The following EYS variants were observed in gnomAD, a reference collection of about 807,000 sequenced individuals.
EYS encodes protein eyes shut homolog.
A neutral mutation model predicts 282.1 loss-of-function variants in EYS; 250 were observed. The ratio of observed to expected loss-of-function variants is 0.89; its 90% confidence interval spans 0.80 to 0.98. The LOEUF is 0.98. Among genes scored for constraint, EYS ranks in the 50% least tolerant of loss-of-function variants. The pLI is 0.00. For synonymous variants in EYS, 1,355 were observed against 1,282.9 expected (o/e 1.06, Z -1.20); for missense variants, 4,016 against 3,709.0 (o/e 1.08, Z -2.15).
intron 1 of EYS, among the ~76,000 whole-genome samples, chr6:65,665,290 C>T (rs9345668): frequency 0.051 from 7,754 of 152,204 alleles, 452 homozygotes; most frequent in East Asian, 0.33. Flanking sequence ...AAATCCCTCA[C>T]ATAATTGCAC....
intron 2 of EYS, among the ~76,000 whole-genome samples, chr6:65,541,460 T>A (rs1265648456): frequency 6.6e-6 from 1 of 152,220 alleles, no homozygotes; most frequent in African/African-American, 2.4e-5. Context: ...AAACTGAATT[T>A]GGAGGTTAAT....
chr6:64,225,583 T>C (rs1440383476), intron 31 of EYS, among the ~76,000 whole-genome samples: 1 of 152,058 alleles, frequency 6.6e-6, no homozygotes, highest in Non-Finnish European at 1.5e-5. Flanking sequence ...GATGCAGACA[T>C]CTTCTAGAAG....
At chr6:64,118,974 C>A (rs1773481270) in intron 31 of EYS, among the ~76,000 whole-genome samples, 1 of 152,026 alleles carries the variant, frequency 6.6e-6, no homozygotes. Flanking sequence ...CAGGGAAATG[C>A]AAATTAAAAT....
intron 26 of EYS, among the ~76,000 whole-genome samples, chr6:64,480,047 G>A (rs777727378): frequency 1.3e-5 from 2 of 151,796 alleles, no homozygotes; most frequent in South Asian, 2.1e-4. Flanking sequence ...ATACACATGC[G>A]GAAATCATGG....
intron 12 of EYS, among the ~76,000 whole-genome samples, chr6:65,227,824 G>A (rs889491402): frequency 6.6e-6 from 1 of 151,962 alleles, no homozygotes; most frequent in Non-Finnish European, 1.5e-5. Flanking sequence ...GACAAAAAAA[G>A]GACAGATATT....
intron 22 of EYS, among the ~76,000 whole-genome samples, chr6:64,798,709 T>A (rs9452939): frequency 6.0e-4 from 90 of 150,066 alleles, no homozygotes; most frequent in African/African-American, 2.2e-3. Context: ...GAGGAGATCC[T>A]TAGTCTCCTT....
At chr6:65,475,586 G>A (rs937570805) in intron 5 of EYS, among the ~76,000 whole-genome samples, 3 of 152,004 alleles carry the variant, frequency 2.0e-5, no homozygotes, top group African/African-American at 4.8e-5. Flanking sequence ...AAAAGTATAA[G>A]AAGGCACCAT....
chr6:64,372,793 A>G (rs987815514), intron 29 of EYS, among the ~76,000 whole-genome samples: 5 of 152,136 alleles, frequency 3.3e-5, no homozygotes, highest in African/African-American at 1.2e-4. Flanking sequence ...GAGAGCCAGT[A>G]TTTAAACTCT....
intron 24 of EYS, among the ~76,000 whole-genome samples, chr6:64,598,766 C>T (rs1340441152): frequency 6.6e-6 from 1 of 152,130 alleles, no homozygotes; most frequent in Admixed American, 6.5e-5. Flanking sequence ...CCATTATATA[C>T]TTTGTATTTT....
intron 35 of EYS, among the ~76,000 whole-genome samples, chr6:63,959,326 C>T (rs956004946): frequency 1.3e-5 from 2 of 152,074 alleles, no homozygotes; most frequent in Admixed American, 1.3e-4. Flanking sequence ...CATTTCATGC[C>T]AGTCAGAATA....
At chr6:64,947,292 A>G (rs1769319796) in intron 14 of EYS, among the ~76,000 whole-genome samples, 4 of 152,048 alleles carry the variant, frequency 2.6e-5, no homozygotes, top group Admixed American at 2.6e-4. Flanking sequence ...TAACAATGAA[A>G]CATGATAACC....
intron 35 of EYS, among the ~76,000 whole-genome samples, chr6:63,966,272 C>T (rs1352995679): frequency 6.6e-6 from 1 of 152,120 alleles, no homozygotes; most frequent in Non-Finnish European, 1.5e-5. Flanking sequence ...GAATAGAAAA[C>T]AAAACATCAT....
At chr6:64,058,270 TAA>T (rs35061217) in intron 33 of EYS, among the ~76,000 whole-genome samples, 2 of 142,126 alleles carry the variant, frequency 1.4e-5, no homozygotes, top group African/African-American at 5.2e-5. Flanking sequence ...TTAAACCTCT[TAA>T]AAAAAAAAAA....
chr6:64,845,234 T>G (rs1394428923), intron 19 of EYS, among the ~76,000 whole-genome samples: 1 of 152,046 alleles, frequency 6.6e-6, no homozygotes, highest in Non-Finnish European at 1.5e-5. Context: ...AAGGTTGTAA[T>G]GAGCCAACAT....
chr6:65,418,784 G>A (rs1298939843), intron 5 of EYS, among the ~76,000 whole-genome samples: 1 of 151,932 alleles, frequency 6.6e-6, no homozygotes, highest in Non-Finnish European at 1.5e-5. Flanking sequence ...ACGTATACCT[G>A]TGTAACAAAC....
At chr6:63,984,004 T>C (rs938978715) in intron 35 of EYS, among the ~76,000 whole-genome samples, 2 of 151,344 alleles carry the variant, frequency 1.3e-5, no homozygotes, top group East Asian at 3.9e-4. Context: ...AAAAAACAAA[T>C]ATAAAAATTA....
intron 5 of EYS, among the ~76,000 whole-genome samples, chr6:65,480,388 T>A (rs953534973): frequency 6.6e-6 from 1 of 152,074 alleles, no homozygotes; most frequent in Admixed American, 6.6e-5. Flanking sequence ...ACACAGATAC[T>A]ACCATATTAT....
chr6:65,523,939 C>T (rs889355751), intron 2 of EYS, among the ~76,000 whole-genome samples: 14 of 152,126 alleles, frequency 9.2e-5, no homozygotes, highest in African/African-American at 3.4e-4. Context: ...TGGCACGATC[C>T]CAGCTCACTG....
At chr6:65,393,218 T>C (rs1766126975) in intron 7 of EYS, among the ~76,000 whole-genome samples, 1 of 152,108 alleles carries the variant, frequency 6.6e-6, no homozygotes, top group Non-Finnish European at 1.5e-5. Context: ...ATATACCTAA[T>C]GCTAGATGAT....
Sources: allele counts gnomAD v4.1 joint callset (sites outside exome capture counted in the v4.1 genomes callset), GRCh38; gene constraint gnomAD v4.1.1; transcripts MANE v1.5; gene names NCBI Gene and HGNC (gene_info 2026-07-23, HGNC 2026-07-21).